The following MAF variants were observed in gnomAD, a reference collection of about 807,000 sequenced individuals.
MAF encodes transcription factor Maf.
A neutral mutation model predicts 22.0 loss-of-function variants in MAF; 10 were observed. The observed-to-expected ratio is 0.45, with a 90% CI of 0.28 to 0.77. The LOEUF (loss-of-function observed/expected upper bound fraction) is 0.77, where lower values mean the gene tolerates loss of function less well. Among genes scored for constraint, MAF ranks in the 30% least tolerant of loss-of-function variants. The probability of loss-of-function intolerance (pLI) is 0.12; values close to 1 mark genes in which losing one functional copy is unlikely to be tolerated. For synonymous variants in MAF, 337 were observed against 255.8 expected, an observed-to-expected ratio of 1.32 and a Z score of -3.03; for missense variants, 544 against 548.4, an observed-to-expected ratio of 0.99 and a Z score of 0.08.
chr16:79,289,930 C>A, the MAF span, among the ~76,000 whole-genome samples: 1 of 142,704 alleles, frequency 7.0e-6, no homozygotes, highest in African/African-American at 2.6e-5. Flanking sequence ...AGTCTCAGCT[C>A]ACTGCAACCT....
At chr16:79,245,868 T>C in the MAF span, among the ~76,000 whole-genome samples, 1 of 152,042 alleles carries the variant, frequency 6.6e-6, no homozygotes, top group African/African-American at 2.4e-5. Flanking sequence ...CATGGAATAC[T>C]ATGCAGCCAT....
the MAF span, among the ~76,000 whole-genome samples, chr16:79,287,391 G>A: frequency 6.6e-6 from 1 of 152,210 alleles, no homozygotes; most frequent in Admixed American, 6.5e-5. Context: ...CGGTGAGGCG[G>A]GGGCTGGCGG....
chr16:79,245,587 G>A, the MAF span, among the ~76,000 whole-genome samples: 1 of 152,008 alleles, frequency 6.6e-6, no homozygotes, highest in African/African-American at 2.4e-5. Flanking sequence ...GGAGAAATAG[G>A]AACACTTTTA....
At chr16:79,301,134 C>T in the MAF span, among the ~76,000 whole-genome samples, 12 of 152,182 alleles carry the variant, frequency 7.9e-5, no homozygotes, top group Non-Finnish European at 1.3e-4. Flanking sequence ...GCTGCTCTTG[C>T]TACACGAGAA....
the MAF span, among the ~76,000 whole-genome samples, chr16:79,453,687 G>T: frequency 3.3e-5 from 5 of 152,304 alleles, no homozygotes; most frequent in South Asian, 8.3e-4. Context: ...GGATAGGTCG[G>T]TCACAAGTGA....
the MAF span, among the ~76,000 whole-genome samples, chr16:79,501,839 T>G: frequency 6.6e-6 from 1 of 152,196 alleles, no homozygotes; most frequent in Non-Finnish European, 1.5e-5. Flanking sequence ...ATACGTATTT[T>G]CTCTCCTTGA....
chr16:79,417,386 C>G, the MAF span, among the ~76,000 whole-genome samples: 20 of 152,208 alleles, frequency 1.3e-4, no homozygotes, highest in Non-Finnish European at 1.9e-4. Flanking sequence ...AAAAGAACTC[C>G]TGGCAGTATC....
chr16:79,307,348 T>G, the MAF span, among the ~76,000 whole-genome samples: 1 of 152,232 alleles, frequency 6.6e-6, no homozygotes, highest in African/African-American at 2.4e-5. Flanking sequence ...CCAGACGTGG[T>G]TGGTCCCCTT....
chr16:79,502,581 G>C, the MAF span, among the ~76,000 whole-genome samples: 1 of 151,030 alleles, frequency 6.6e-6, no homozygotes, highest in Non-Finnish European at 1.5e-5. Flanking sequence ...TGAGAGGATA[G>C]CCTGAGCCCA....
chr16:79,290,834 G>T, the MAF span, among the ~76,000 whole-genome samples: 1 of 151,944 alleles, frequency 6.6e-6, no homozygotes, highest in African/African-American at 2.4e-5. Flanking sequence ...CACTGAGGCT[G>T]GTCCTCCATG....
intron 1 of MAF, chr16:79,595,832 A>C (rs995932211): frequency 3.8e-6 from 4 of 1,058,390 alleles, no homozygotes; most frequent in Non-Finnish European, 4.6e-6. Flanking sequence ...TGATTTGATA[A>C]CATAGTTTAA....
the MAF span, among the ~76,000 whole-genome samples, chr16:79,255,313 G>C: frequency 6.6e-6 from 1 of 152,208 alleles, no homozygotes; most frequent in East Asian, 1.9e-4. Context: ...TGTGAGGCCA[G>C]TCTATAGTCT....
At chr16:79,262,727 G>A in the MAF span, among the ~76,000 whole-genome samples, 34 of 152,186 alleles carry the variant, frequency 2.2e-4, no homozygotes, top group African/African-American at 8.2e-4. Context: ...TAGGGAAGGA[G>A]TCAATGCTTG....
chr16:79,321,239 G>C, the MAF span, among the ~76,000 whole-genome samples: 2 of 152,292 alleles, frequency 1.3e-5, no homozygotes, highest in South Asian at 2.1e-4. Context: ...GGAGTGGATG[G>C]AATCCATCAC....
the MAF span, among the ~76,000 whole-genome samples, chr16:79,248,542 A>T: frequency 6.6e-6 from 1 of 152,152 alleles, no homozygotes. Context: ...GGTTGGACTG[A>T]TCTGGTTTAC....
chr16:79,358,790 C>T, the MAF span, among the ~76,000 whole-genome samples: 1 of 152,190 alleles, frequency 6.6e-6, no homozygotes, highest in Non-Finnish European at 1.5e-5. Context: ...CAGTCTCCCA[C>T]CTCATTCTCT....
At chr16:79,213,222 C>T in the MAF span, among the ~76,000 whole-genome samples, 1 of 152,164 alleles carries the variant, frequency 6.6e-6, no homozygotes, top group Admixed American at 6.5e-5. Flanking sequence ...ATTGTTCCCC[C>T]TCCTGATCAT....
the MAF span, among the ~76,000 whole-genome samples, chr16:79,476,064 G>C: frequency 5.3e-5 from 8 of 152,328 alleles, no homozygotes; most frequent in South Asian, 1.7e-3. Context: ...TGATGGCTTG[G>C]AAGAGAATTT....
chr16:79,349,026 G>C, the MAF span, among the ~76,000 whole-genome samples: 2 of 152,202 alleles, frequency 1.3e-5, no homozygotes, highest in African/African-American at 4.8e-5. Context: ...CCCAGATGTG[G>C]TGATTGGCTG....
Sources: allele counts gnomAD v4.1 joint callset (sites outside exome capture counted in the v4.1 genomes callset), GRCh38; gene constraint gnomAD v4.1.1; transcripts MANE v1.5; gene names NCBI Gene and HGNC (gene_info 2026-07-23, HGNC 2026-07-21).